Variants in IARS2 observed in about 807,000 individuals in gnomAD.
IARS2 encodes the protein isoleucine--tRNA ligase, mitochondrial.
In IARS2, 56 loss-of-function variants were observed where a neutral mutation model predicts 126.3. The ratio of observed to expected loss-of-function variants is 0.44; its 90% confidence interval spans 0.36 to 0.55. The LOEUF is 0.55. IARS2 is among the 20% of genes least tolerant of loss of function. The pLI, the probability that IARS2 is intolerant of heterozygous loss-of-function variation, is 0.00. For missense variants in IARS2, 1,127 were observed against 1,245.9 expected, an observed-to-expected ratio of 0.90 and a Z score of 1.44; for synonymous variants, 407 against 441.1, an observed-to-expected ratio of 0.92 and a Z score of 0.97.
chr1:220,147,804 T>C lies in IARS2; in HGVS notation c.*169T>C. ...TTATAGAAGAAGTATTTCCTGTAAC[T>C]ATAGAAAGAATTATGTATATATACA... On this transcript the variant is annotated 3_prime_UTR_variant, in exon 23 of 23. Transcript: ENST00000366922. The C allele has an allele frequency of 1.6e-6, 1 of 630,220 alleles. No individual in the cohort carries two copies. Among genetic ancestry groups the C allele is most frequent in the Non-Finnish European group, 2.7e-6 (1 of 366,118 alleles). 39.0% of individuals were successfully genotyped at this position (630,220 alleles called of 1,614,324 possible).
At chr1:220,100,972 G>A (rs1261494113) in intron 3 of IARS2, among the ~76,000 whole-genome samples, 1 of 152,098 alleles carries the variant, frequency 6.6e-6, no homozygotes, top group Non-Finnish European at 1.5e-5. Context: ...GATTTTAGGT[G>A]TTAAGCCAAA....
chr1:220,118,244 A>G, intron 12 of IARS2: 1 of 485,236 alleles, frequency 2.1e-6, no homozygotes, highest in South Asian at 1.6e-5. Flanking sequence ...AACACCATTA[A>G]ACATATAAGG....
chr1:220,097,910 T>C (rs770493333), intron 2 of IARS2, among the ~76,000 whole-genome samples: 6 of 152,144 alleles, frequency 3.9e-5, no homozygotes, highest in African/African-American at 1.4e-4. Context: ...AGTCTCACGC[T>C]GTCACCCAGG....
intron 14 of IARS2, among the ~76,000 whole-genome samples, chr1:220,133,407 TATATAA>T (rs1657309063): frequency 1.3e-5 from 2 of 152,226 alleles, no homozygotes; most frequent in Non-Finnish European, 1.5e-5. Flanking sequence ...CAATGCCTGC[TATATAA>T]CAAGTGCTCA....
intron 10 of IARS2, among the ~76,000 whole-genome samples, chr1:220,107,688 A>G (rs1236054777): frequency 1.3e-5 from 2 of 152,234 alleles, no homozygotes; most frequent in Admixed American, 6.5e-5. Context: ...TAAACTTGGT[A>G]GTTTGAAACA....
chr1:220,109,136 C>T (rs1229920208), intron 10 of IARS2, among the ~76,000 whole-genome samples: 1 of 152,048 alleles, frequency 6.6e-6, no homozygotes, highest in Non-Finnish European at 1.5e-5. Context: ...CACGGTGGCT[C>T]ACCCCTGTAA....
chr1:220,119,573 C>G (rs1558125508), intron 12 of IARS2, among the ~76,000 whole-genome samples: 1 of 151,806 alleles, frequency 6.6e-6, no homozygotes, highest in African/African-American at 2.4e-5. Flanking sequence ...TTTTAGGAAA[C>G]AGAAAATTAT....
intron 10 of IARS2, among the ~76,000 whole-genome samples, chr1:220,108,100 G>C (rs374362425): frequency 4.0e-5 from 6 of 151,156 alleles, no homozygotes; most frequent in East Asian, 3.9e-4. Flanking sequence ...TCACTCTGTT[G>C]CCCAGGCTGG....
chr1:220,141,654 G>A lies in IARS2; in HGVS notation c.2415-149G>A, dbSNP rs980661459. On this transcript the variant is annotated intron_variant, in intron 19 of 22. Transcript: ENST00000366922. ...GGGTACACCTGGACGGAGTAAAATT[G>A]TAGGAGAGTGTATTGTATTCTTTAA... The A allele has an allele frequency of 6.4e-6, 5 of 779,306 alleles. No individual in the cohort carries two copies. In the Admixed American group the frequency reaches 7.3e-5, roughly 11 times the overall value. 48.3% of individuals were successfully genotyped at this position (779,306 alleles called of 1,614,324 possible).
At chr1:220,142,025 TA>T in intron 20 of IARS2, 77 bp downstream of exon 20, 1 of 1,386,184 alleles carries the variant, frequency 7.2e-7, no homozygotes, top group Non-Finnish European at 1.0e-6. Context: ...ATCTGCTTCA[TA>T]AAAGGGGCAC....
intron 8 of IARS2, 148 bp from the exon 9 acceptor site, chr1:220,105,743 C>T (rs1656666567): frequency 1.6e-6 from 1 of 631,386 alleles, no homozygotes; most frequent in Non-Finnish European, 2.7e-6. Flanking sequence ...TAGAAGGTCA[C>T]AGAACAAGTT....
Position 220,141,956 on chromosome 1 carries a change from A to T in IARS2, c.2560+8A>T. ...ACATACCTTATATTAAAGGTAAGGA[A>T]TACTTCATTTATTCTCTTAATGAGA... On this transcript the variant is annotated splice_region_variant and intron_variant, in intron 20 of 22. Transcript: ENST00000366922. The T allele has an allele frequency of 6.2e-7, 1 of 1,610,084 alleles. No homozygotes were observed. The highest frequency in any genetic ancestry group is 8.5e-7 in the Non-Finnish European group (1 of 1,178,156).
At position 220,141,886 on chromosome 1, in the gene IARS2, C is replaced by A; in HGVS notation, c.2498C>A (p.Ser833Tyr). The change falls in exon 20 of 23, where the codon TCT (serine) becomes TAT (tyrosine). Residue 833 changes from serine (S) to tyrosine (Y), a missense_variant. Coordinates refer to ENST00000366922, the MANE Select transcript of IARS2 (RefSeq NM_018060.4). ...GAAATTTTGGATGTAATAGTTCGTT[C>A]TTTTGCTCCCATTCTTCCTCACCTG... ...LVEILDVIVRSFAPILPHLAE... is the reference protein window; with the variant it reads ...LVEILDVIVRYFAPILPHLAE... 1 of 1,614,182 alleles carries A rather than the reference C, an allele frequency of 6.2e-7. No individual in the cohort carries two copies. The highest frequency in any genetic ancestry group is 8.5e-7 in the Non-Finnish European group (1 of 1,180,020).
intron 2 of IARS2, among the ~76,000 whole-genome samples, chr1:220,100,235 A>C (rs1205630444): frequency 6.6e-6 from 1 of 152,200 alleles, no homozygotes; most frequent in Non-Finnish European, 1.5e-5. Flanking sequence ...AAGTTCTGCA[A>C]TGGTTTGATG....
chr1:220,129,126 A>G (rs1657211065), intron 14 of IARS2, among the ~76,000 whole-genome samples: 4 of 152,062 alleles, frequency 2.6e-5, no homozygotes, highest in Admixed American at 2.6e-4. Flanking sequence ...CAAGTGATCC[A>G]TCTGCCTCAG....
chr1:220,131,200 A>G (rs2102835143), intron 14 of IARS2, among the ~76,000 whole-genome samples: 1 of 151,718 alleles, frequency 6.6e-6, no homozygotes, highest in South Asian at 2.1e-4. Context: ...TATTTGAGAC[A>G]GAGTCTCGCT....
chr1:220,113,989 T>A (rs1255369489), intron 11 of IARS2, among the ~76,000 whole-genome samples: 1 of 152,200 alleles, frequency 6.6e-6, no homozygotes, highest in Non-Finnish European at 1.5e-5. Flanking sequence ...CTATGAAAGC[T>A]TTTATTACCA....
intron 21 of IARS2, chr1:220,144,123 G>T: frequency 1.2e-6 from 1 of 842,082 alleles, no homozygotes; most frequent in East Asian, 2.4e-5. Flanking sequence ...CAAATCTGGG[G>T]CTGATGTCTC....
At chr1:220,145,013 C>G (rs571299962) in intron 21 of IARS2, among the ~76,000 whole-genome samples, 1 of 151,380 alleles carries the variant, frequency 6.6e-6, no homozygotes, top group Non-Finnish European at 1.5e-5. Context: ...CAGATTGCCA[C>G]TATCAGTATA....
Sources: allele counts gnomAD v4.1 joint callset (sites outside exome capture counted in the v4.1 genomes callset), GRCh38; gene constraint gnomAD v4.1.1; transcripts MANE v1.5; gene names NCBI Gene and HGNC (gene_info 2026-07-23, HGNC 2026-07-21).